The following TACC3 variants were observed in gnomAD, a reference collection of about 807,000 sequenced individuals.
The protein encoded by TACC3 is transforming acidic coiled-coil-containing protein 3.
A neutral mutation model predicts 86.0 loss-of-function variants in TACC3; 52 were observed. The ratio of observed to expected loss-of-function variants is 0.60; its 90% confidence interval spans 0.48 to 0.76. TACC3 has a LOEUF of 0.76. TACC3 is among the 30% of genes least tolerant of loss of function. TACC3 has a pLI of 0.00. For missense variants in TACC3, 1,120 were observed against 1,070.4 expected (o/e 1.05, Z -0.65); for synonymous variants, 512 against 430.0 (o/e 1.19, Z -2.36).
At chr4:1,732,259 C>T (rs1365974261) in intron 6 of TACC3, among the ~76,000 whole-genome samples, 4 of 147,706 alleles carry the variant, frequency 2.7e-5, no homozygotes, top group Middle Eastern at 3.9e-3. Flanking sequence ...TAAATAAATA[C>T]GGTTTGTCCG....
rs200472637 is a variant in TACC3, at chr4:1,723,573, A to G, written c.152A>G (p.Lys51Arg). 6.2e-7 allele frequency: 1 copy of G among 1,613,178 alleles called. No individual in the cohort carries two copies. The highest frequency in any genetic ancestry group is 8.5e-7 in the Non-Finnish European group (1 of 1,179,644). Residue 51 changes from lysine (K) to arginine (R), a missense_variant, in exon 2 of 16, where the codon AAA becomes AGA. Coordinates refer to ENST00000313288, the MANE Select transcript of TACC3 (RefSeq NM_006342.3). ...AATGTGCCACCCAAGAACCTGGCCA[A>G]AGCTATGAAGGTAAGTGTGACCTGT... ...KENVPPKNLA[K>R]AMKVTFQTPL...
rs1718775316 is a variant in TACC3 at position 1,744,928 on chromosome 4, A to G, written c.2452-20A>G. 6.2e-7 allele frequency: 1 copy of G among 1,611,902 alleles called. No homozygotes were observed. The highest frequency in any genetic ancestry group is 1.3e-5 in the African/African-American group (1 of 74,910). On this transcript the variant is annotated intron_variant, in intron 15 of 15. Transcript: ENST00000313288. ...CCCTCCAAGCAGGGAGAAGCCCCGC[A>G]ACTCATCTTCCTCCTCCAGACTAAA...
chr4:1,726,254 T>TC (rs1168125392), intron 3 of TACC3, among the ~76,000 whole-genome samples: 1 of 152,164 alleles, frequency 6.6e-6, no homozygotes, highest in Non-Finnish European at 1.5e-5. Flanking sequence ...GCAGGCGCCA[T>TC]CCCAGGGAGG....
chr4:1,735,393 C>T lies in TACC3; in HGVS notation c.1644+68C>T, dbSNP rs1026344841. The T allele has an allele frequency of 6.3e-6, 10 of 1,581,714 alleles. No homozygotes were observed. The African/African-American group carries it at 9.4e-5, about 15-fold the overall frequency. On this transcript the variant is annotated intron_variant, in intron 7 of 15. Coordinates refer to ENST00000313288, the MANE Select transcript of TACC3 (RefSeq NM_006342.3). The surrounding 1 kb of genome is among the most constrained non-coding windows in gnomAD (Gnocchi z 4.2). ...CCGAGAGCAGCCACGGCAGGTCTTG[C>T]CCCCGGAGCGTCCCTTGGTGCCCAC...
intron 13 of TACC3, chr4:1,742,078 A>C (rs1372168122): frequency 6.6e-6 from 1 of 152,218 alleles, no homozygotes; most frequent in Non-Finnish European, 1.5e-5. Context: ...CCTGGGCAAT[A>C]GACCAAGACC....
intron 13 of TACC3, 23 bp downstream of exon 13, chr4:1,741,009 TC>T (rs755568934): frequency 9.2e-5 from 146 of 1,586,558 alleles, no homozygotes; most frequent in Non-Finnish European, 1.2e-4. Context: ...CACCCTGGTG[TC>T]CTCACCTCGG....
intron 3 of TACC3, 130 bp downstream of exon 3, chr4:1,724,000 G>A (rs1018459452): frequency 2.5e-5 from 26 of 1,046,694 alleles, no homozygotes; most frequent in African/African-American, 3.2e-5. Flanking sequence ...ATGGAGTCTC[G>A]CTCTGTTGCC....
rs374525678 is a variant in TACC3, at chr4:1,735,256, T to C, written c.1592-17T>C. 1.1e-4 allele frequency: 179 copies of C among 1,613,702 alleles called. No homozygotes were observed. Among genetic ancestry groups the C allele is most frequent in the Non-Finnish European group, 1.4e-4 (169 of 1,180,032 alleles). On this transcript the variant is annotated splice_polypyrimidine_tract_variant and intron_variant, in intron 6 of 15. Transcript: ENST00000313288. This position sits in a 1 kb window ranked among gnomAD's most constrained non-coding sequence, Gnocchi z 4.2. ...CTGGTGAGGGGCGATGGCGGCGGCATGATTCACTCCTCTCAGTTCTAGGCA... is the reference window on the plus strand; with the variant it reads ...CTGGTGAGGGGCGATGGCGGCGGCACGATTCACTCCTCTCAGTTCTAGGCA...
rs1255451226 is a variant in TACC3, at chr4:1,737,933, TC to T, written c.1941+235del. 8 of 643,548 alleles carry T rather than the reference TC, an allele frequency of 1.2e-5. 1 individual carries two copies. Among genetic ancestry groups the T allele is most frequent in the Admixed American group, 8.4e-5 (4 of 47,734 alleles). The allele number at this position is 643,548 out of a possible 1,614,324, so 39.9% of individuals were successfully genotyped here. A position where few individuals can be genotyped will look rare whatever the true frequency, so the allele number is the denominator to read the frequency against. On this transcript the variant is annotated intron_variant, in intron 10 of 15. Coordinates refer to ENST00000313288, the MANE Select transcript of TACC3 (RefSeq NM_006342.3). ...CGCAGTCAGCTGCCCACCAGCAGCC[TC>T]CCCGGGACTCTCCGGCCTGGGCATG...
intron 1 of TACC3, 154 bp downstream of exon 1, chr4:1,721,797 C>A (rs1287519976): frequency 1.3e-5 from 2 of 152,188 alleles, no homozygotes; most frequent in African/African-American, 4.8e-5. Context: ...GCCGCCAGAA[C>A]CTGTACCGCG....
Position 1,727,809 on chromosome 4 carries a change from T to G in TACC3, c.407T>G (p.Phe136Cys), listed in dbSNP as rs1355528410. ...CTCCTGGGGGATGCAAGCCCAGCCT[T>G]TGGGAGTGGCAGCTCCAGCGAGTCT... is the stretch of plus-strand genomic sequence containing the variant. ...TDLLGDASPA[F>C]GSGSSSESGP... The change falls in exon 4 of 16, where the codon TTT (phenylalanine) becomes TGT (cysteine). Residue 136 changes from phenylalanine (F) to cysteine (C), a missense_variant. By Grantham distance (205) the Phe-to-Cys change is radical. Coordinates refer to ENST00000313288, the MANE Select transcript of TACC3 (RefSeq NM_006342.3). The G allele has an allele frequency of 6.2e-7, 1 of 1,613,236 alleles. No homozygotes were observed. Among genetic ancestry groups the G allele is most frequent in the African/African-American group, 1.3e-5 (1 of 74,924 alleles).
In TACC3 at chr4:1,737,312, G is replaced by A. The variant is rs1327482895; in HGVS notation, c.1820G>A (p.Gly607Glu). 3.1e-6 allele frequency: 5 copies of A among 1,614,100 alleles called. No individual in the cohort carries two copies. The highest frequency in any genetic ancestry group is 3.4e-6 in the Non-Finnish European group (4 of 1,180,002). The change falls in exon 9 of 16, where the codon GGA becomes GAA. Residue 607 changes from glycine to glutamate, a missense_variant. Transcript: ENST00000313288. The stretch of plus-strand genomic sequence containing the variant: ...AAGCTTGTGGAGTTCGATTTCTTGG[G>A]AGCACTGGACATTCCTGTAAGTCCT... ...EAKLVEFDFL[G>E]ALDIPVPGPP...
chr4:1,744,300 C>G, intron 13 of TACC3: 1 of 555,392 alleles, frequency 1.8e-6, no homozygotes, highest in Non-Finnish European at 3.2e-6. Context: ...GGTTCAGGCC[C>G]GGCATCTCAG....
chr4:1,727,675 G>A (rs540742563), intron 3 of TACC3, 33 bp from the exon 4 acceptor site: 31 of 1,542,762 alleles, frequency 2.0e-5, no homozygotes, highest in Admixed American at 9.9e-5. Context: ...CCAGGTACTC[G>A]CTGCTTCACG....
chr4:1,724,973 T>C (rs951343837), intron 3 of TACC3, among the ~76,000 whole-genome samples: 16 of 135,976 alleles, frequency 1.2e-4, no homozygotes, highest in African/African-American at 3.8e-4. Flanking sequence ...TTCTTGTTGC[T>C]CAGGCTGGAG....
intron 6 of TACC3, among the ~76,000 whole-genome samples, chr4:1,732,165 C>T (rs139057032): frequency 9.1e-4 from 137 of 151,188 alleles, no homozygotes; most frequent in Non-Finnish European, 1.7e-3. Context: ...TTGGAGGCTG[C>T]AGTTAAATAA....
chr4:1,721,379 G>GC (rs1553824332), upstream of TACC3: 3 of 10,656 alleles, frequency 2.8e-4, no homozygotes, highest in East Asian at 0.016. Flanking sequence ...AGCGGGGGGT[G>GC]GGGGGGGAGG....
chr4:1,729,337 GAC>G (rs1560302668), intron 4 of TACC3, among the ~76,000 whole-genome samples: 1 of 152,080 alleles, frequency 6.6e-6, no homozygotes, highest in African/African-American at 2.4e-5. Context: ...TACAAATAAA[GAC>G]ACAAGAAAAA....
chr4:1,743,986 A>C (rs1398966033), intron 13 of TACC3, among the ~76,000 whole-genome samples: 2 of 152,180 alleles, frequency 1.3e-5, no homozygotes, highest in African/African-American at 2.4e-5. Flanking sequence ...GGAAGAAGGC[A>C]GGTAGGCTGA....
Sources: gnomAD v4.1 joint callset for allele counts (sites outside exome capture counted in the v4.1 genomes callset) on GRCh38, gnomAD v4.1.1 for gene constraint, Gnocchi (gnomAD v3.1) non-coding constraint, MANE v1.5 for transcripts, NCBI Gene and HGNC (gene_info 2026-07-23, HGNC 2026-07-21) for gene names.